DYRK1A: variants seen among roughly 807,000 people sequenced by gnomAD.
DYRK1A encodes dual specificity tyrosine phosphorylation regulated kinase 1A, also known as dual specificity tyrosine-phosphorylation-regulated kinase 1A.
DYRK1A carries 9 observed loss-of-function variants against 79.7 expected under a neutral mutation model. The observed-to-expected ratio is 0.11, with a 90% confidence interval of 0.07 to 0.20. The LOEUF is 0.20. Ranked by LOEUF, DYRK1A falls within the 10% of genes least tolerant of loss-of-function variation. The probability of loss-of-function intolerance (pLI) is 1.00; values close to 1 mark genes in which losing one functional copy is unlikely to be tolerated. For missense variants in DYRK1A, 622 were observed against 956.0 expected (o/e 0.65, Z 4.61); for synonymous variants, 349 against 329.7 (o/e 1.06, Z -0.63).
At chr21:37,498,076 C>T (rs2053328544) in intron 9 of DYRK1A, among the ~76,000 whole-genome samples, 1 of 152,040 alleles carries the variant, frequency 6.6e-6, no homozygotes, top group Non-Finnish European at 1.5e-5. Flanking sequence ...TTGGCTATCT[C>T]TTTGTGGTTT....
intron 2 of DYRK1A, among the ~76,000 whole-genome samples, chr21:37,472,244 C>T (rs2052250380): frequency 1.3e-5 from 2 of 152,248 alleles, no homozygotes; most frequent in East Asian, 3.9e-4. Flanking sequence ...GGAATGCTGG[C>T]GATGTTGTTT....
chr21:37,387,130 A>G (rs757279726), intron 1 of DYRK1A, among the ~76,000 whole-genome samples: 1 of 152,192 alleles, frequency 6.6e-6, no homozygotes, highest in Non-Finnish European at 1.5e-5. Flanking sequence ...CTTCTGTTAC[A>G]AAGAAAGAAA....
intron 6 of DYRK1A, chr21:37,488,700 G>A: frequency 1.0e-6 from 1 of 985,406 alleles, no homozygotes; most frequent in South Asian, 4.7e-5. Context: ...GAGGTCAAGT[G>A]AAACTAAGTA....
At chr21:37,435,236 G>T (rs566688708) in intron 2 of DYRK1A, among the ~76,000 whole-genome samples, 1 of 152,138 alleles carries the variant, frequency 6.6e-6, no homozygotes, top group Admixed American at 6.6e-5. Context: ...ACTAAAATAG[G>T]CTATTTGCAT....
At chr21:37,434,776 A>G (rs1434047769) in intron 2 of DYRK1A, among the ~76,000 whole-genome samples, 1 of 152,220 alleles carries the variant, frequency 6.6e-6, no homozygotes, top group Non-Finnish European at 1.5e-5. Flanking sequence ...ACCTGGGAAT[A>G]CTTGAGACTT....
intron 9 of DYRK1A, among the ~76,000 whole-genome samples, chr21:37,496,579 C>G (rs2053276442): frequency 1.3e-5 from 2 of 152,040 alleles, no homozygotes; most frequent in African/African-American, 4.8e-5. Flanking sequence ...TTTCTCACAG[C>G]TTGGGCATGT....
At chr21:37,465,359 T>G (rs576696688) in intron 2 of DYRK1A, among the ~76,000 whole-genome samples, 3 of 152,336 alleles carry the variant, frequency 2.0e-5, no homozygotes, top group African/African-American at 7.2e-5. Context: ...AAAAAAAGTT[T>G]CAACTTTATA....
intron 7 of DYRK1A, among the ~76,000 whole-genome samples, chr21:37,492,141 A>G (rs534303870): frequency 6.6e-6 from 1 of 152,304 alleles, no homozygotes; most frequent in Non-Finnish European, 1.5e-5. Context: ...GAAATGTAAT[A>G]CTTCTTCCCA....
rs533598572 is a variant in DYRK1A at position 37,374,231 on chromosome 21, C to T, written c.-77+6603C>T. On this transcript the variant is annotated intron_variant, in intron 1 of 11. Coordinates refer to ENST00000647188, the MANE Select transcript of DYRK1A (RefSeq NM_001347721.2). ...CTGAATGTCTTCTTGCTCATACCCT[C>T]AGCAAACAATGCTACAATAACACTC... is the stretch of plus-strand genomic sequence containing the variant. Among the ~76,000 whole-genome samples the T allele has an allele frequency of 5.3e-5, 8 of 151,808 alleles. No individual in the cohort carries two copies. The South Asian group carries it at 1.5e-3, about 28-fold the overall frequency.
At chr21:37,431,006 A>G (rs2050761533) in intron 2 of DYRK1A, among the ~76,000 whole-genome samples, 2 of 152,194 alleles carry the variant, frequency 1.3e-5, no homozygotes, top group South Asian at 4.2e-4. Flanking sequence ...GACATTCCTT[A>G]AATTATTGGT....
chr21:37,489,432 G>A (rs1002079900), intron 6 of DYRK1A, among the ~76,000 whole-genome samples: 2 of 152,102 alleles, frequency 1.3e-5, no homozygotes, highest in Admixed American at 6.6e-5. Context: ...AACAGTGATA[G>A]CGACCTATGT....
At chr21:37,503,790 T>G (rs981111225) in intron 9 of DYRK1A, 1 of 152,220 alleles carries the variant, frequency 6.6e-6, no homozygotes, top group Non-Finnish European at 1.5e-5. Flanking sequence ...TGTTGTCCAC[T>G]TTTGAACTAA....
rs145245987 is a variant in DYRK1A at position 37,491,358 on chromosome 21, C to T, written c.924+897C>T. Reference sequence around the variant, plus strand: ...GATAATATTTTACTCATTTTAAGCACTATTCTTTTTGCTTTAAGTATTGAA... The same window carrying T: ...GATAATATTTTACTCATTTTAAGCATTATTCTTTTTGCTTTAAGTATTGAA... On this transcript the variant is annotated intron_variant, in intron 7 of 11. Coordinates refer to ENST00000647188, the MANE Select transcript of DYRK1A (RefSeq NM_001347721.2). 2.6e-5 allele frequency among the ~76,000 whole-genome samples: 4 copies of T among 152,176 alleles called. No homozygotes were observed. The East Asian group carries it at 7.7e-4, about 29-fold the overall frequency.
intron 9 of DYRK1A, chr21:37,503,549 G>A (rs1215621717): frequency 6.6e-6 from 1 of 152,146 alleles, no homozygotes; most frequent in Non-Finnish European, 1.5e-5. Context: ...AGCCTCCCAA[G>A]AAGCTCGGAC....
chr21:37,502,034 T>A (rs2053465872), intron 9 of DYRK1A: 1 of 152,214 alleles, frequency 6.6e-6, no homozygotes, highest in Admixed American at 6.5e-5. Context: ...TTGTCCGATA[T>A]CACTATAGTC....
intron 2 of DYRK1A, among the ~76,000 whole-genome samples, chr21:37,425,057 C>T (rs1484341298): frequency 1.3e-5 from 2 of 152,214 alleles, no homozygotes; most frequent in Non-Finnish European, 1.5e-5. Flanking sequence ...ACAGCCACTC[C>T]CCTTTTCCTA....
At chr21:37,456,137 T>G (rs2835754) in intron 2 of DYRK1A, 67,510 of 152,002 alleles carry the variant, frequency 0.44, 15,774 homozygotes, top group East Asian at 0.57. Context: ...CAGCCAAATA[T>G]GAGGTGACGT....
At chr21:37,371,465 T>A (rs909762077) in intron 1 of DYRK1A, among the ~76,000 whole-genome samples, 2 of 152,242 alleles carry the variant, frequency 1.3e-5, no homozygotes, top group South Asian at 4.1e-4. Context: ...AATTGTTTAT[T>A]GGTGATAATA....
intron 1 of DYRK1A, among the ~76,000 whole-genome samples, chr21:37,372,779 T>C (rs1436197286): frequency 6.6e-6 from 1 of 152,220 alleles, no homozygotes; most frequent in Non-Finnish European, 1.5e-5. Flanking sequence ...TCTTCATTCA[T>C]GCTCATTCTG....
Sources: gnomAD v4.1 joint callset for allele counts (sites outside exome capture counted in the v4.1 genomes callset) on GRCh38, gnomAD v4.1.1 for gene constraint, MANE v1.5 for transcripts, NCBI Gene and HGNC (gene_info 2026-07-23, HGNC 2026-07-21) for gene names.